The following LIMS1 variants were observed in gnomAD, a reference collection of about 807,000 sequenced individuals.
LIMS1 encodes the protein LIM and senescent cell antigen-like-containing domain protein 1.
Under a neutral mutation model 44.1 loss-of-function variants are expected in LIMS1, and 18 were observed. The observed-to-expected ratio is 0.41, with a 90% confidence interval of 0.28 to 0.61. LIMS1 has a LOEUF of 0.61. Among genes scored for constraint, LIMS1 ranks in the 20% least tolerant of loss-of-function variants. The probability of loss-of-function intolerance (pLI) is 0.32; values close to 1 mark genes in which losing one functional copy is unlikely to be tolerated. For missense variants in LIMS1, 201 were observed against 422.0 expected (o/e 0.48, Z 4.59); for synonymous variants, 93 against 149.1 (o/e 0.62, Z 2.74).
chr2:108,624,810 GGCTCACGC>G (rs796077313), intron 1 of LIMS1, among the ~76,000 whole-genome samples: 14 of 152,002 alleles, frequency 9.2e-5, no homozygotes, highest in African/African-American at 3.4e-4. Flanking sequence ...CGGGTGCGGT[GGCTCACGC>G]CTATAATCCC....
intron 1 of LIMS1, among the ~76,000 whole-genome samples, chr2:108,648,066 C>G (rs555497418): frequency 6.6e-6 from 1 of 152,244 alleles, no homozygotes; most frequent in African/African-American, 2.4e-5. Flanking sequence ...TTAGAAAACC[C>G]CATCGTGTCA....
intron 1 of LIMS1, among the ~76,000 whole-genome samples, chr2:108,622,318 C>G (rs1203763872): frequency 6.6e-6 from 1 of 152,094 alleles, no homozygotes; most frequent in Non-Finnish European, 1.5e-5. Flanking sequence ...TACTATTGTT[C>G]TTTTTCCTAC....
intron 1 of LIMS1, among the ~76,000 whole-genome samples, chr2:108,568,624 CA>C (rs1158957505): frequency 6.6e-6 from 1 of 152,164 alleles, no homozygotes; most frequent in Non-Finnish European, 1.5e-5. Flanking sequence ...ATAATACCCA[CA>C]CCATTTTACA....
intron 2 of LIMS1, among the ~76,000 whole-genome samples, chr2:108,660,891 C>A (rs1227568842): frequency 6.7e-6 from 1 of 149,244 alleles, no homozygotes; most frequent in Non-Finnish European, 1.5e-5. Flanking sequence ...AAATGCACAT[C>A]TATATATGAT....
intron 1 of LIMS1, among the ~76,000 whole-genome samples, chr2:108,584,657 G>C (rs553109164): frequency 3.9e-5 from 6 of 152,260 alleles, no homozygotes. Context: ...ATCCAGGCAG[G>C]AGAGTCGACT....
intron 1 of LIMS1, among the ~76,000 whole-genome samples, chr2:108,608,915 C>T (rs1687429122): frequency 6.6e-6 from 1 of 152,178 alleles, no homozygotes; most frequent in Non-Finnish European, 1.5e-5. Context: ...ACCGTCATTA[C>T]TGCCACTAGA....
intron 1 of LIMS1, chr2:108,621,486 A>C: frequency 6.6e-7 from 1 of 1,504,058 alleles, no homozygotes; most frequent in East Asian, 2.5e-5. Context: ...ATGGTTGGCT[A>C]AAGGTCAAGA....
intron 9 of LIMS1, among the ~76,000 whole-genome samples, chr2:108,683,407 G>A (rs1482953270): frequency 6.6e-6 from 1 of 152,054 alleles, no homozygotes; most frequent in African/African-American, 2.4e-5. Flanking sequence ...GCCAGGCATA[G>A]TAGTATGCAC....
At chr2:108,646,275 A>G (rs1332017334) in intron 1 of LIMS1, among the ~76,000 whole-genome samples, 3 of 152,220 alleles carry the variant, frequency 2.0e-5, no homozygotes, top group Admixed American at 2.0e-4. Flanking sequence ...GGAAATCATA[A>G]TGGTCTCTCA....
chr2:108,539,475 C>T (rs1254134183), intron 1 of LIMS1, among the ~76,000 whole-genome samples: 2 of 152,230 alleles, frequency 1.3e-5, no homozygotes, highest in Non-Finnish European at 2.9e-5. Flanking sequence ...CCCTTCATGG[C>T]TCTTTGACTT....
chr2:108,581,569 C>T (rs1261268474), intron 1 of LIMS1, among the ~76,000 whole-genome samples: 1 of 152,036 alleles, frequency 6.6e-6, no homozygotes, highest in Non-Finnish European at 1.5e-5. Flanking sequence ...TCAGAAAGGC[C>T]CCCAGAGCTT....
chr2:108,679,823 G>C (rs1240514302), intron 8 of LIMS1, among the ~76,000 whole-genome samples: 1 of 152,164 alleles, frequency 6.6e-6, no homozygotes, highest in Non-Finnish European at 1.5e-5. Flanking sequence ...AACGAGAGGA[G>C]AAGATTGCTT....
rs1450425000 is a variant in LIMS1 at position 108,559,797 on chromosome 2, CATT to C, written c.32+25204_32+25206del. ...ATAATATTTTTAGTGAGTTGATCAA[CATT>C]TAAACTGGCAAACAATTATAAACTG... On this transcript the variant is annotated intron_variant, in intron 1 of 9. Coordinates refer to ENST00000544547, the Ensembl canonical transcript of LIMS1. 2.0e-5 allele frequency among the ~76,000 whole-genome samples: 3 copies of C among 152,092 alleles called. No homozygotes were observed. In the East Asian group the frequency reaches 5.8e-4, roughly 29 times the overall value.
chr2:108,556,992 C>T (rs1289760674), intron 1 of LIMS1, among the ~76,000 whole-genome samples: 1 of 152,192 alleles, frequency 6.6e-6, no homozygotes, highest in Non-Finnish European at 1.5e-5. Flanking sequence ...AAAACAGTTT[C>T]TTTTTTGTTT....
chr2:108,558,517 C>A (rs917753582), intron 1 of LIMS1, among the ~76,000 whole-genome samples: 1 of 151,638 alleles, frequency 6.6e-6, no homozygotes, highest in Admixed American at 6.6e-5. Flanking sequence ...ACGATTTGTG[C>A]GTTTTTATAG....
intron 1 of LIMS1, among the ~76,000 whole-genome samples, chr2:108,588,056 C>T (rs1686192297): frequency 6.6e-6 from 1 of 152,136 alleles, no homozygotes; most frequent in Admixed American, 6.5e-5. Flanking sequence ...AAAGTTACCT[C>T]TTTCTATGAT....
chr2:108,595,410 C>A (rs1388465477), intron 1 of LIMS1, among the ~76,000 whole-genome samples: 2 of 152,120 alleles, frequency 1.3e-5, no homozygotes, highest in Non-Finnish European at 2.9e-5. Flanking sequence ...CCACCCAGAC[C>A]AAGATAAATG....
chr2:108,605,626 G>A (rs1687231710), intron 1 of LIMS1, among the ~76,000 whole-genome samples: 1 of 152,112 alleles, frequency 6.6e-6, no homozygotes, highest in African/African-American at 2.4e-5. Flanking sequence ...CTTCACATAA[G>A]CAGAAACACA....
intron 1 of LIMS1, among the ~76,000 whole-genome samples, chr2:108,577,648 A>G (rs1050365295): frequency 6.6e-6 from 1 of 152,222 alleles, no homozygotes; most frequent in Non-Finnish European, 1.5e-5. Flanking sequence ...ATGTTTTTAC[A>G]TTCTTAAAAT....
Sources: allele counts gnomAD v4.1 joint callset (sites outside exome capture counted in the v4.1 genomes callset), GRCh38; gene constraint gnomAD v4.1.1; transcripts MANE v1.5; gene names NCBI Gene and HGNC (gene_info 2026-07-23, HGNC 2026-07-21).